Variants in NCAM2 observed in about 807,000 individuals in gnomAD.
NCAM2 encodes the protein neural cell adhesion molecule 2.
In NCAM2, 30 loss-of-function variants were observed where a neutral mutation model predicts 98.1. The observed-to-expected ratio is 0.31, with a 90% CI of 0.23 to 0.41. The LOEUF (loss-of-function observed/expected upper bound fraction) is 0.41. Ranked by LOEUF, NCAM2 falls within the 10% of genes least tolerant of loss-of-function variation. NCAM2 has a pLI of 1.00. For synonymous variants in NCAM2, 368 were observed against 342.4 expected (o/e 1.07, Z -0.83); for missense variants, 867 against 1,005.8 (o/e 0.86, Z 1.87).
At chr21:21,400,333 G>A (rs2076601364) in intron 9 of NCAM2, among the ~76,000 whole-genome samples, 1 of 152,122 alleles carries the variant, frequency 6.6e-6, no homozygotes, top group Non-Finnish European at 1.5e-5. Context: ...TTTATCATTA[G>A]GGATCATTTC....
At chr21:21,193,708 A>G (rs2068904785) in intron 1 of NCAM2, among the ~76,000 whole-genome samples, 1 of 151,898 alleles carries the variant, frequency 6.6e-6, no homozygotes, top group Non-Finnish European at 1.5e-5. Flanking sequence ...GTTGGCCAGG[A>G]TGGTCTTGAT....
intron 11 of NCAM2, among the ~76,000 whole-genome samples, chr21:21,421,647 T>C (rs1301525735): frequency 6.6e-6 from 1 of 152,186 alleles, no homozygotes; most frequent in East Asian, 1.9e-4. Context: ...GAAACTATAC[T>C]GTGATTTTAA....
chr21:21,235,010 AC>A (rs2070763147), intron 1 of NCAM2, among the ~76,000 whole-genome samples: 1 of 152,060 alleles, frequency 6.6e-6, no homozygotes, highest in Non-Finnish European at 1.5e-5. Context: ...TAAAAGTGAA[AC>A]ATCGTAGCAA....
chr21:21,438,793 A>T (rs1978786455), intron 12 of NCAM2, among the ~76,000 whole-genome samples: 1 of 152,068 alleles, frequency 6.6e-6, no homozygotes, highest in Non-Finnish European at 1.5e-5. Context: ...CAATATTTTA[A>T]AATGTTAGGC....
intron 16 of NCAM2, among the ~76,000 whole-genome samples, chr21:21,519,952 GA>G (rs899963609): frequency 2.7e-5 from 4 of 150,932 alleles, no homozygotes; most frequent in East Asian, 1.9e-4. Flanking sequence ...TCAAGGCAGA[GA>G]AAAAAAAATT....
At chr21:21,067,229 TGA>T (rs1450495446) in intron 1 of NCAM2, among the ~76,000 whole-genome samples, 2 of 151,854 alleles carry the variant, frequency 1.3e-5, no homozygotes, top group African/African-American at 4.8e-5. Flanking sequence ...AAAGCTGGCA[TGA>T]GAGAGAGAAT....
At chr21:21,430,424 A>G (rs566786602) in intron 11 of NCAM2, among the ~76,000 whole-genome samples, 2 of 149,404 alleles carry the variant, frequency 1.3e-5, no homozygotes, top group South Asian at 4.2e-4. Flanking sequence ...TCACACTGCT[A>G]TGAAGAAATA....
chr21:21,140,362 C>T (rs763479219), intron 1 of NCAM2, among the ~76,000 whole-genome samples: 3 of 152,112 alleles, frequency 2.0e-5, no homozygotes, highest in African/African-American at 7.2e-5. Context: ...TGAAAATGCA[C>T]ATCAGGGTCT....
Position 21,432,260 on chromosome 21 carries a change from G to A in NCAM2, c.1633G>A (p.Val545Ile), listed in dbSNP as rs2146030609. The A allele has an allele frequency of 6.2e-7, 1 of 1,613,970 alleles. No homozygotes were observed. The highest frequency in any genetic ancestry group is 8.5e-7 in the Non-Finnish European group (1 of 1,179,930). The change falls in exon 12 of 18, where the codon GTA (valine) becomes ATA (isoleucine). Residue 545 changes from valine to isoleucine, a missense_variant. Around this residue, in one of 5 missense-constraint regions of NCAM2, gnomAD observed 234 missense variants for 333.8 expected, o/e 0.70. Transcript: ENST00000400546. ...AGTAGCGTCAGAAATCTGGAAAATT[G>A]TACGCTCCCATGGAGTTCAAAGTGA... Reference protein sequence around the residue: ...KEVASEIWKIVRSHGVQTMVV... With the variant: ...KEVASEIWKIIRSHGVQTMVV...
At chr21:21,246,708 G>C (rs1248998608) in intron 1 of NCAM2, among the ~76,000 whole-genome samples, 1 of 152,046 alleles carries the variant, frequency 6.6e-6, no homozygotes, top group Non-Finnish European at 1.5e-5. Context: ...ATAAATCCAT[G>C]AAAAGTTATC....
chr21:21,496,729 G>T (rs1461408705), intron 15 of NCAM2, among the ~76,000 whole-genome samples: 1 of 152,094 alleles, frequency 6.6e-6, no homozygotes, highest in East Asian at 1.9e-4. Flanking sequence ...TGTCGTCCAG[G>T]ATTTTTATAG....
intron 4 of NCAM2, among the ~76,000 whole-genome samples, chr21:21,291,215 G>T (rs763571387): frequency 1.3e-5 from 2 of 151,862 alleles, no homozygotes; most frequent in Non-Finnish European, 2.9e-5. Flanking sequence ...GAGATCTATG[G>T]ATGTGTTAAT....
chr21:21,125,286 CT>C (rs2066765581), intron 1 of NCAM2, among the ~76,000 whole-genome samples: 1 of 134,870 alleles, frequency 7.4e-6, no homozygotes, highest in Admixed American at 7.9e-5. Flanking sequence ...TATCATACCC[CT>C]GATGTGAGAT....
intron 1 of NCAM2, among the ~76,000 whole-genome samples, chr21:21,142,842 A>C (rs1347819310): frequency 2.0e-5 from 3 of 152,188 alleles, no homozygotes; most frequent in Non-Finnish European, 4.4e-5. Context: ...ATTAAATGTA[A>C]AGTATTCCTC....
intron 1 of NCAM2, among the ~76,000 whole-genome samples, chr21:21,218,162 G>A (rs1364238503): frequency 6.6e-6 from 1 of 152,176 alleles, no homozygotes; most frequent in Non-Finnish European, 1.5e-5. Context: ...TTGCATAAAT[G>A]CGTTTAGGAT....
chr21:21,199,672 G>T (rs1397810644), intron 1 of NCAM2, among the ~76,000 whole-genome samples: 1 of 152,256 alleles, frequency 6.6e-6, no homozygotes, highest in East Asian at 1.9e-4. Flanking sequence ...AATAAAGTAA[G>T]ATTAATATCT....
At chr21:21,280,046 A>C (rs903619009) in intron 1 of NCAM2, among the ~76,000 whole-genome samples, 2 of 152,108 alleles carry the variant, frequency 1.3e-5, no homozygotes, top group Non-Finnish European at 2.9e-5. Context: ...TGGGTCCTTC[A>C]CTTAACTTTC....
At chr21:21,085,945 T>A (rs950901893) in intron 1 of NCAM2, among the ~76,000 whole-genome samples, 5 of 152,194 alleles carry the variant, frequency 3.3e-5, no homozygotes, top group African/African-American at 9.6e-5. Context: ...GGAAATAAAT[T>A]TATTAAGCAC....
rs138399400 is a variant in NCAM2 at position 21,347,669 on chromosome 21, T to G, written c.1044+9135T>G. Among the ~76,000 whole-genome samples the G allele has an allele frequency of 8.6e-4, 131 of 152,088 alleles. 4 individuals are homozygous for G. The East Asian group carries it at 0.024, about 28-fold the overall frequency. On this transcript the variant is annotated intron_variant, in intron 8 of 17. Coordinates refer to ENST00000400546, the MANE Select transcript of NCAM2 (RefSeq NM_004540.5). ...CTCATTCTACAAGGCCAGTATTACT[T>G]TGATACCTAAAACAAAGACACATAA...
Sources: allele counts gnomAD v4.1 joint callset (sites outside exome capture counted in the v4.1 genomes callset), GRCh38; gene constraint gnomAD v4.1.1; regional missense constraint gnomAD v4.1.1; transcripts MANE v1.5; gene names NCBI Gene and HGNC (gene_info 2026-07-23, HGNC 2026-07-21).